CDH22: variants seen among roughly 807,000 people sequenced by gnomAD.
The protein encoded by CDH22 is cadherin-22.
Under a neutral mutation model 58.4 loss-of-function variants are expected in CDH22, and 30 were observed. The observed-to-expected ratio is 0.51, with a 90% CI of 0.38 to 0.70. CDH22 has a LOEUF of 0.70. Ranked by LOEUF, CDH22 falls within the 30% of genes least tolerant of loss-of-function variation. The pLI is 0.00. For synonymous variants in CDH22, 513 were observed against 558.2 expected (o/e 0.92, Z 1.14); for missense variants, 1,014 against 1,233.9 (o/e 0.82, Z 2.67).
chr20:46,306,563 T>C (rs1234338335), intron 1 of CDH22, among the ~76,000 whole-genome samples: 1 of 152,094 alleles, frequency 6.6e-6, no homozygotes, highest in African/African-American at 2.4e-5. Flanking sequence ...AAGCAGTGTT[T>C]AAATGTTGGC....
At chr20:46,223,678 T>TTTCTTTCTCTTTCTTTTTCTTTCC in intron 4 of CDH22, among the ~76,000 whole-genome samples, 1 of 73,934 alleles carries the variant, frequency 1.4e-5, no homozygotes, top group Non-Finnish European at 2.9e-5. Context: ...TCTTTCTTTC[T>TTTCTTTCTCTTTCTTTTTCTTTCC]TTCTTTCTTT....
chr20:46,175,524 G>T (rs944978558), intron 11 of CDH22, among the ~76,000 whole-genome samples: 8 of 152,114 alleles, frequency 5.3e-5, no homozygotes, highest in African/African-American at 1.9e-4. Context: ...ACCCTCCTCT[G>T]CCACACCAGA....
intron 7 of CDH22, among the ~76,000 whole-genome samples, chr20:46,209,617 C>T (rs2086025405): frequency 6.6e-6 from 1 of 151,946 alleles, no homozygotes; most frequent in Non-Finnish European, 1.5e-5. Flanking sequence ...AAACGGTGGT[C>T]GGGACCAAGG....
At chr20:46,248,454 C>A (rs578003087) in intron 2 of CDH22, among the ~76,000 whole-genome samples, 1 of 152,282 alleles carries the variant, frequency 6.6e-6, no homozygotes, top group East Asian at 1.9e-4. Context: ...TTTCCCAGGT[C>A]TGGGAATCTC....
chr20:46,180,925 T>TG (rs2085779566), intron 10 of CDH22, among the ~76,000 whole-genome samples: 2 of 100,444 alleles, frequency 2.0e-5, no homozygotes, highest in Admixed American at 2.5e-4. Context: ...TAAAGTTTGT[T>TG]TTGTGTGTGT....
intron 4 of CDH22, among the ~76,000 whole-genome samples, chr20:46,217,289 G>T (rs1054667406): frequency 2.0e-5 from 3 of 152,012 alleles, no homozygotes; most frequent in Non-Finnish European, 4.4e-5. Context: ...TATGGATGCA[G>T]ATACTCACAC....
intron 1 of CDH22, among the ~76,000 whole-genome samples, chr20:46,293,114 C>T (rs919295087): frequency 6.6e-6 from 1 of 152,092 alleles, no homozygotes; most frequent in Non-Finnish European, 1.5e-5. Context: ...ACTGCCAAGA[C>T]CCCTTAGTGG....
At chr20:46,176,854 C>G (rs916331480) in intron 11 of CDH22, among the ~76,000 whole-genome samples, 1 of 152,340 alleles carries the variant, frequency 6.6e-6, no homozygotes, top group Non-Finnish European at 1.5e-5. Flanking sequence ...GGGTGGCGGG[C>G]GACAGATGTG....
At chr20:46,181,529 C>T (rs1374734254) in intron 10 of CDH22, among the ~76,000 whole-genome samples, 2 of 151,888 alleles carry the variant, frequency 1.3e-5, no homozygotes, top group African/African-American at 2.4e-5. Flanking sequence ...AGGAGGCAGG[C>T]GGTCATTGTG....
chr20:46,290,308 T>C (rs186344700), intron 1 of CDH22, among the ~76,000 whole-genome samples: 7 of 152,330 alleles, frequency 4.6e-5, no homozygotes, highest in African/African-American at 1.4e-4. Flanking sequence ...CAGGGGACAT[T>C]TAGCAATGAC....
intron 4 of CDH22, among the ~76,000 whole-genome samples, chr20:46,226,508 C>T (rs1048643873): frequency 6.6e-6 from 1 of 151,958 alleles, no homozygotes; most frequent in African/African-American, 2.4e-5. Context: ...GTCTCAAACT[C>T]CTGAACTCAA....
At chr20:46,247,750 T>C (rs141439364) in intron 2 of CDH22, among the ~76,000 whole-genome samples, 1 of 152,252 alleles carries the variant, frequency 6.6e-6, no homozygotes, top group Non-Finnish European at 1.5e-5. Flanking sequence ...CAGGTGGCCC[T>C]TTAACCACAC....
rs2085754785 is a variant in CDH22, at chr20:46,178,154, C to T, written c.1707G>A (p.Arg569=). Residue 569 remains arginine (R), a synonymous_variant, in exon 11 of 12, where the codon CGG becomes CGA. Coordinates refer to ENST00000537909, the MANE Select transcript of CDH22 (RefSeq NM_021248.3). ...AVHTQHVGFN[R]QEQDVFFLPI... Reference sequence around the variant, plus strand: ...GCAGGAAGAACACGTCCTGCTCCTGCCGGTTGAAGCCCACGTGCTGCGTGT... The same window carrying T: ...GCAGGAAGAACACGTCCTGCTCCTGTCGGTTGAAGCCCACGTGCTGCGTGT... The T allele has an allele frequency of 6.2e-7, 1 of 1,613,968 alleles. No homozygotes were observed. Among genetic ancestry groups the T allele is most frequent in the Non-Finnish European group, 8.5e-7 (1 of 1,179,970 alleles).
intron 1 of CDH22, among the ~76,000 whole-genome samples, chr20:46,253,829 A>G (rs996074857): frequency 2.0e-5 from 3 of 151,974 alleles, no homozygotes; most frequent in African/African-American, 7.3e-5. Context: ...AGGGAGAGAG[A>G]ATTTGGAGGG....
intron 1 of CDH22, among the ~76,000 whole-genome samples, chr20:46,261,359 C>T (rs2086432173): frequency 6.6e-6 from 1 of 152,210 alleles, no homozygotes; most frequent in African/African-American, 2.4e-5. Flanking sequence ...AGATCTTCAT[C>T]CACTCAGCCA....
intron 4 of CDH22, among the ~76,000 whole-genome samples, chr20:46,224,844 A>G (rs1022554184): frequency 2.6e-5 from 4 of 152,146 alleles, no homozygotes; most frequent in Non-Finnish European, 5.9e-5. Context: ...TGAATTCTTC[A>G]TCATCCCTGG....
At chr20:46,264,194 C>T (rs1334210248) in intron 1 of CDH22, among the ~76,000 whole-genome samples, 1 of 152,130 alleles carries the variant, frequency 6.6e-6, no homozygotes, top group Non-Finnish European at 1.5e-5. Context: ...ACAATAACCC[C>T]ATAAAGTAAG....
chr20:46,182,581 G>A (rs1416323045), intron 10 of CDH22, among the ~76,000 whole-genome samples: 1 of 152,168 alleles, frequency 6.6e-6, no homozygotes, highest in Non-Finnish European at 1.5e-5. Flanking sequence ...ACCCCATGAA[G>A]GGGAATCCCC....
intron 3 of CDH22, among the ~76,000 whole-genome samples, chr20:46,231,178 G>A (rs1600708070): frequency 1.3e-5 from 2 of 152,250 alleles, no homozygotes; most frequent in Middle Eastern, 3.4e-3. Context: ...GCTAAGTGGT[G>A]GTTAAGGGCC....
Sources: gnomAD v4.1 joint callset for allele counts (sites outside exome capture counted in the v4.1 genomes callset) on GRCh38, gnomAD v4.1.1 for gene constraint, MANE v1.5 for transcripts, NCBI Gene and HGNC (gene_info 2026-07-23, HGNC 2026-07-21) for gene names.